Variants in SHISA6 observed in about 807,000 individuals in gnomAD.
SHISA6 encodes protein shisa-6.
SHISA6 carries 22 observed loss-of-function variants against 47.9 expected under a neutral mutation model. That is an observed-to-expected ratio of 0.46 (90% CI 0.33 to 0.66). The LOEUF is 0.66. Ranked by LOEUF, SHISA6 falls within the 30% of genes least tolerant of loss-of-function variation. The pLI is 0.02. For synonymous variants in SHISA6, 388 were observed against 337.8 expected (o/e 1.15, Z -1.63); for missense variants, 680 against 764.6 (o/e 0.89, Z 1.30).
In SHISA6 at chr17:11,314,188, G is replaced by A. The variant is rs147972442; in HGVS notation, c.799+50662G>A. Among the ~76,000 whole-genome samples, 8 of 152,152 alleles carry A rather than the reference G, an allele frequency of 5.3e-5. No homozygotes were observed. The East Asian group carries it at 1.4e-3, about 26-fold the overall frequency. On this transcript the variant is annotated intron_variant, in intron 2 of 5. Coordinates refer to ENST00000441885, the MANE Select transcript of SHISA6 (RefSeq NM_207386.4). ...ATACATTTTGGTTACTATTTAAGTT[G>A]CAAATATTTTTCCATAGTTGATTAT...
At chr17:11,354,176 G>T (rs561257266) in intron 2 of SHISA6, among the ~76,000 whole-genome samples, 19 of 152,318 alleles carry the variant, frequency 1.2e-4, no homozygotes, top group Non-Finnish European at 2.5e-4. Context: ...GTATAGCACT[G>T]CTGCTCTGCA....
chr17:11,511,099 G>A lies in SHISA6; in HGVS notation c.896-40797G>A, dbSNP rs531499897. Among the ~76,000 whole-genome samples the A allele has an allele frequency of 3.6e-3, 551 of 152,150 alleles. 7 individuals are homozygous for A. Among genetic ancestry groups the A allele is most frequent in the African/African-American group, 0.013 (532 of 41,508 alleles). Reference sequence around the variant, plus strand: ...ATGCCTGGTTCGCATGGAATGCTATGCAGCCATAAAAAAGAATGAATTCAT... The same window carrying A: ...ATGCCTGGTTCGCATGGAATGCTATACAGCCATAAAAAAGAATGAATTCAT... On this transcript the variant is annotated intron_variant, in intron 3 of 5. Transcript: ENST00000441885.
intron 2 of SHISA6, among the ~76,000 whole-genome samples, chr17:11,280,801 A>G (rs904983537): frequency 2.0e-5 from 3 of 152,348 alleles, no homozygotes; most frequent in South Asian, 2.1e-4. Context: ...AGCGTGCTCA[A>G]TGGGTTGAAT....
chr17:11,320,263 T>G (rs1910665920), intron 2 of SHISA6, among the ~76,000 whole-genome samples: 1 of 152,190 alleles, frequency 6.6e-6, no homozygotes, highest in African/African-American at 2.4e-5. Context: ...AACAATTAAG[T>G]GACAAATAAG....
chr17:11,514,982 G>A (rs2071570930), intron 3 of SHISA6, among the ~76,000 whole-genome samples: 1 of 152,170 alleles, frequency 6.6e-6, no homozygotes, highest in African/African-American at 2.4e-5. Flanking sequence ...CAGGAACAGT[G>A]GTCTTCCCAG....
chr17:11,422,768 A>T (rs1254947156), intron 3 of SHISA6, among the ~76,000 whole-genome samples: 2 of 151,664 alleles, frequency 1.3e-5, no homozygotes, highest in Admixed American at 6.6e-5. Context: ...TGTCTCAAAA[A>T]AAAAAAAAAA....
chr17:11,349,817 T>A (rs1353991549), intron 2 of SHISA6, among the ~76,000 whole-genome samples: 3 of 152,074 alleles, frequency 2.0e-5, no homozygotes, highest in Non-Finnish European at 4.4e-5. Flanking sequence ...AAGCAATAGG[T>A]TGGAAACAGG....
At chr17:11,444,479 AC>A (rs1915180964) in intron 3 of SHISA6, among the ~76,000 whole-genome samples, 1 of 152,168 alleles carries the variant, frequency 6.6e-6, no homozygotes, top group Non-Finnish European at 1.5e-5. Flanking sequence ...CTTCAATGAG[AC>A]CAGGGTCCAC....
rs74556424 is a variant in SHISA6, at chr17:11,544,848, C to T, written c.896-7048C>T. Among the ~76,000 whole-genome samples the T allele has an allele frequency of 2.5e-3, 384 of 151,604 alleles. 2 individuals are homozygous for T. The highest frequency in any genetic ancestry group is 8.6e-3 in the African/African-American group (356 of 41,264). ...TGGTGGCAGACAGCTGTAGTCCCAGCCACTCGGGAGGCTGAGGCAGGAGAA... is the reference window on the plus strand; with the variant it reads ...TGGTGGCAGACAGCTGTAGTCCCAGTCACTCGGGAGGCTGAGGCAGGAGAA... On this transcript the variant is annotated intron_variant, in intron 3 of 5. Coordinates refer to ENST00000441885, the MANE Select transcript of SHISA6 (RefSeq NM_207386.4).
intron 2 of SHISA6, among the ~76,000 whole-genome samples, chr17:11,320,669 A>AAGAG (rs59186157): frequency 5.1e-4 from 25 of 48,990 alleles, no homozygotes; most frequent in South Asian, 2.1e-3. Flanking sequence ...CAAAAAAAAA[A>AAGAG]AGAGAGAGAG....
chr17:11,514,012 TTTGAA>T (rs1310620134), intron 3 of SHISA6, among the ~76,000 whole-genome samples: 20 of 152,130 alleles, frequency 1.3e-4, no homozygotes, highest in African/African-American at 3.9e-4. Flanking sequence ...AGGTGATAGG[TTTGAA>T]ACTTTGCTAG....
chr17:11,409,079 A>G (rs1489893098), intron 3 of SHISA6, among the ~76,000 whole-genome samples: 1 of 152,230 alleles, frequency 6.6e-6, no homozygotes, highest in African/African-American at 2.4e-5. Context: ...ATAAAAATTT[A>G]TCCTCTCAGA....
intron 2 of SHISA6, among the ~76,000 whole-genome samples, chr17:11,266,211 A>G (rs1352022531): frequency 6.6e-6 from 1 of 152,226 alleles, no homozygotes; most frequent in African/African-American, 2.4e-5. Context: ...CAAATCAACA[A>G]ACCATCAATT....
intron 3 of SHISA6, among the ~76,000 whole-genome samples, chr17:11,417,280 T>C (rs1247303493): frequency 2.0e-5 from 3 of 152,180 alleles, no homozygotes; most frequent in Non-Finnish European, 4.4e-5. Context: ...CAAGTAATTA[T>C]TAACCAAATT....
At chr17:11,429,293 GA>G (rs1474107099) in intron 3 of SHISA6, among the ~76,000 whole-genome samples, 1 of 152,158 alleles carries the variant, frequency 6.6e-6, no homozygotes, top group African/African-American at 2.4e-5. Context: ...AAAAAAGATG[GA>G]AGTCACGGTC....
chr17:11,246,772 G>A (rs951324028), intron 1 of SHISA6, among the ~76,000 whole-genome samples: 17 of 152,190 alleles, frequency 1.1e-4, no homozygotes, highest in African/African-American at 3.6e-4. Context: ...CCTTCCCTGG[G>A]CAAGATGTGT....
At chr17:11,341,497 G>C (rs1399701423) in intron 2 of SHISA6, among the ~76,000 whole-genome samples, 1 of 151,782 alleles carries the variant, frequency 6.6e-6, no homozygotes, top group Non-Finnish European at 1.5e-5. Flanking sequence ...ACCATGCCTG[G>C]CTAATTTTTG....
chr17:11,476,913 G>GT, intron 3 of SHISA6, among the ~76,000 whole-genome samples: 1 of 152,192 alleles, frequency 6.6e-6, no homozygotes, highest in Middle Eastern at 3.4e-3. Flanking sequence ...AGTTCTGTTA[G>GT]TTTTTGCCTC....
intron 3 of SHISA6, among the ~76,000 whole-genome samples, chr17:11,511,814 A>G (rs1182815036): frequency 6.6e-6 from 1 of 152,242 alleles, no homozygotes; most frequent in Non-Finnish European, 1.5e-5. Context: ...TTCCTGCATT[A>G]GAGAAGACAG....
Sources: gnomAD v4.1 joint callset for allele counts (sites outside exome capture counted in the v4.1 genomes callset) on GRCh38, gnomAD v4.1.1 for gene constraint, MANE v1.5 for transcripts, NCBI Gene and HGNC (gene_info 2026-07-23, HGNC 2026-07-21) for gene names.